PATZ1: variants seen among roughly 807,000 people sequenced by gnomAD.
PATZ1 encodes the protein POZ/BTB and AT hook containing zinc finger 1, also known as POZ-, AT hook-, and zinc finger-containing protein 1.
PATZ1 carries 9 observed loss-of-function variants against 46.2 expected under a neutral mutation model. The observed-to-expected ratio is 0.19, with a 90% CI of 0.12 to 0.34. PATZ1 has a LOEUF of 0.34. Ranked by LOEUF, PATZ1 falls within the 10% of genes least tolerant of loss-of-function variation. The pLI is 1.00. For synonymous variants in PATZ1, 426 were observed against 378.6 expected (o/e 1.13, Z -1.45); for missense variants, 632 against 923.0 (o/e 0.68, Z 4.08).
intron 2 of PATZ1, chr22:31,340,946 A>G: frequency 9.4e-7 from 1 of 1,068,942 alleles, no homozygotes; most frequent in Non-Finnish European, 1.1e-6. Context: ...AGAGGGCAGC[A>G]TGGGTTGACT....
At chr22:31,343,456 G>A in intron 1 of PATZ1, 1 of 986,318 alleles carries the variant, frequency 1.0e-6, no homozygotes, top group Non-Finnish European at 1.2e-6. Flanking sequence ...CCCCAGCTGG[G>A]CTGGTAAGCC....
chr22:31,346,055 G>A lies in PATZ1; in HGVS notation c.-453C>T, dbSNP rs907976610. 1 of 163,244 alleles carries A rather than the reference G, an allele frequency of 6.1e-6. No homozygotes were observed. The highest frequency in any genetic ancestry group is 2.4e-5 in the African/African-American group (1 of 41,502). The allele number at this position is 163,244 out of a possible 1,614,324, so 10.1% of individuals were successfully genotyped here. A position where few individuals can be genotyped will look rare whatever the true frequency, so the allele number is the denominator to read the frequency against. Reference sequence around the variant, plus strand: ...CGCGCGCGCGCCGCGGCTTTTCCCGGGCCCGCTGGGGGCGCGCGCTGCGTC... The same window carrying A: ...CGCGCGCGCGCCGCGGCTTTTCCCGAGCCCGCTGGGGGCGCGCGCTGCGTC... On this transcript the variant is annotated 5_prime_UTR_variant, in exon 1 of 5. Coordinates refer to ENST00000266269, the MANE Select transcript of PATZ1 (RefSeq NM_014323.3).
chr22:31,344,843 C>T lies in PATZ1; in HGVS notation c.760G>A (p.Val254Met). The T allele has an allele frequency of 6.2e-7, 1 of 1,612,562 alleles. No individual in the cohort carries two copies. Among genetic ancestry groups the T allele is most frequent in the Non-Finnish European group, 8.5e-7 (1 of 1,179,816 alleles). Residue 254 changes from valine to methionine, a missense_variant, in exon 1 of 5, where the codon GTG becomes ATG. Val to Met is a conservative substitution (Grantham distance 21, BLOSUM62 1). Transcript: ENST00000266269. ...PQLLTSPFPS[V>M]ASSAPPLTGK... Reference sequence around the variant, plus strand: ...GTCAGGGGAGGGGCACTGGATGCCACACTGGGGAATGGGGAAGTCAGCAGT... The same window carrying T: ...GTCAGGGGAGGGGCACTGGATGCCATACTGGGGAATGGGGAAGTCAGCAGT...
intron 2 of PATZ1, 77 bp from the exon 3 acceptor site, chr22:31,335,940 G>T: frequency 5.7e-5 from 71 of 1,240,300 alleles, no homozygotes; most frequent in South Asian, 3.1e-4. Context: ...GCACCATGAA[G>T]CAAAGGCAAT....
At chr22:31,341,742 G>T in intron 2 of PATZ1, 1 of 1,476,300 alleles carries the variant, frequency 6.8e-7, no homozygotes, top group Non-Finnish European at 9.2e-7. Context: ...TGCCCCCACT[G>T]CCCTCTGGGC....
chr22:31,332,406 T>C (rs1391550783), intron 3 of PATZ1, among the ~76,000 whole-genome samples: 1 of 152,246 alleles, frequency 6.6e-6, no homozygotes, highest in Non-Finnish European at 1.5e-5. Context: ...AAGAGGCAGC[T>C]TGATCCAGCC....
rs752420031 is a variant in PATZ1, at chr22:31,327,281, C to T, written c.1674G>A (p.Pro558=). ...KEGQKCSHQD[P]IESSDSYGDL... ...CACCATAGGAGTCAGAGCTCTCAAT[C>T]GGATCCTGATGTGAGCATTTCTGGC... Residue 558 remains proline (P), a synonymous_variant, in exon 5 of 5, where the codon CCG becomes CCA. Coordinates refer to ENST00000266269, the MANE Select transcript of PATZ1 (RefSeq NM_014323.3). This position sits in a 1 kb window ranked among gnomAD's most constrained non-coding sequence, Gnocchi z 4.2. 55 of 1,613,886 alleles carry T rather than the reference C, an allele frequency of 3.4e-5. No homozygotes were observed. The highest frequency in any genetic ancestry group is 1.8e-4 in the Admixed American group (11 of 60,012).
chr22:31,338,728 A>C (rs939407091), intron 2 of PATZ1, among the ~76,000 whole-genome samples: 1 of 152,208 alleles, frequency 6.6e-6, no homozygotes, highest in Non-Finnish European at 1.5e-5. Context: ...CAGAACTCAA[A>C]GGAACCAACA....
At chr22:31,333,219 C>A (rs1327536160) in intron 3 of PATZ1, among the ~76,000 whole-genome samples, 2 of 152,154 alleles carry the variant, frequency 1.3e-5, no homozygotes, top group African/African-American at 4.8e-5. Context: ...TAGGTAGATA[C>A]TTAAGTCAAC....
intron 1 of PATZ1, 27 bp downstream of exon 1, chr22:31,344,304 AG>A: frequency 6.4e-7 from 1 of 1,560,026 alleles, no homozygotes; most frequent in Non-Finnish European, 8.7e-7. Flanking sequence ...AACGTGTGGC[AG>A]GGGAGGAAGA....
intron 3 of PATZ1, among the ~76,000 whole-genome samples, chr22:31,331,506 A>AT (rs1474424572): frequency 6.6e-6 from 1 of 151,486 alleles, no homozygotes; most frequent in Non-Finnish European, 1.5e-5. Context: ...TACCTGGCTA[A>AT]TTTTTTTTGT....
At position 31,326,434 on chromosome 22, in the gene PATZ1, T is replaced by C. The variant is rs1464141216; in HGVS notation, c.*457A>G. On this transcript the variant is annotated 3_prime_UTR_variant, in exon 5 of 5. Coordinates refer to ENST00000266269, the MANE Select transcript of PATZ1 (RefSeq NM_014323.3). ...TAAAAACAGTTGGGCATCCGCATTG[T>C]ATAAGTAGGTGGAGACCCTAGTGTG... is the stretch of plus-strand genomic sequence containing the variant. 1.2e-5 allele frequency: 3 copies of C among 240,748 alleles called. No individual in the cohort carries two copies. The highest frequency in any genetic ancestry group is 2.4e-5 in the Non-Finnish European group (3 of 122,782). The allele number at this position is 240,748 out of a possible 1,614,324, so 14.9% of individuals were successfully genotyped here.
Position 31,341,522 on chromosome 22 carries a change from G to T in PATZ1, c.1335+1375C>A, listed in dbSNP as rs745765090. ...TGTTGCTGGAGTGTGCTGGGCCCAG[G>T]TTTTCAAGGGCTGGGAATGATTTTT... On this transcript the variant is annotated intron_variant, in intron 2 of 4. Transcript: ENST00000266269. 4 of 1,613,964 alleles carry T rather than the reference G, an allele frequency of 2.5e-6. No individual in the cohort carries two copies. The East Asian group carries it at 8.9e-5, about 36-fold the overall frequency.
intron 1 of PATZ1, among the ~76,000 whole-genome samples, chr22:31,343,931 C>G (rs1452541112): frequency 1.3e-5 from 2 of 151,826 alleles, no homozygotes; most frequent in Non-Finnish European, 2.9e-5. Flanking sequence ...CCCAGATGCA[C>G]TTGTTCCAGT....
rs5994388 is a variant in PATZ1 at position 31,326,202 on chromosome 22, C to T, written c.*689G>A. ...AATAATAATAATTAGAGAATTAAAA[C>T]CCAACAGCATGTTGAATGGTTAAAA... On this transcript the variant is annotated 3_prime_UTR_variant, in exon 5 of 5. Coordinates refer to ENST00000266269, the MANE Select transcript of PATZ1 (RefSeq NM_014323.3). 6.6e-4 allele frequency: 149 copies of T among 225,592 alleles called. No homozygotes were observed. The highest frequency in any genetic ancestry group is 3.1e-3 in the African/African-American group (140 of 44,988). The allele number at this position is 225,592 out of a possible 1,614,324, so 14.0% of individuals were successfully genotyped here.
At chr22:31,340,711 C>T (rs1175633108) in intron 2 of PATZ1, 2 of 1,041,582 alleles carry the variant, frequency 1.9e-6, no homozygotes, top group Non-Finnish European at 2.3e-6. Context: ...CACTCCTGTT[C>T]ACCCCGCAGA....
At chr22:31,340,388 C>T (rs1262071460) in intron 2 of PATZ1, among the ~76,000 whole-genome samples, 3 of 152,198 alleles carry the variant, frequency 2.0e-5, no homozygotes, top group Non-Finnish European at 4.4e-5. Flanking sequence ...CCCAGAGAGC[C>T]GTCTCTTCAC....
intron 2 of PATZ1, 28 bp downstream of exon 2, chr22:31,342,869 C>G: frequency 6.2e-7 from 1 of 1,612,176 alleles, no homozygotes. Flanking sequence ...TCTCCTTCAG[C>G]CCATCTCTGC....
At position 31,346,142 on chromosome 22, in the gene PATZ1, AGGC is replaced by A. The variant is rs891573605; in HGVS notation, c.-543_-541del. On this transcript the variant is annotated 5_prime_UTR_variant, in exon 1 of 5. Transcript: ENST00000266269. ...CGGAGGAAACAAAAGGCGAAGGCGA[AGGC>A]GGCGGCGGCGGGGCGCGCACGGGGG... 4.1e-5 allele frequency: 6 copies of A among 147,796 alleles called. No individual in the cohort carries two copies. The South Asian group carries it at 5.4e-4, about 13-fold the overall frequency. The allele number at this position is 147,796 out of a possible 1,614,324, so 9.2% of individuals were successfully genotyped here. A position where few individuals can be genotyped will look rare whatever the true frequency, so the allele number is the denominator to read the frequency against.
Sources: allele counts gnomAD v4.1 joint callset (sites outside exome capture counted in the v4.1 genomes callset), GRCh38; gene constraint gnomAD v4.1.1; non-coding constraint Gnocchi (gnomAD v3.1); transcripts MANE v1.5; gene names NCBI Gene and HGNC (gene_info 2026-07-23, HGNC 2026-07-21).